Variants in BAZ2B observed in about 807,000 individuals in gnomAD.
BAZ2B encodes the protein bromodomain adjacent to zinc finger domain 2B.
A neutral mutation model predicts 246.0 loss-of-function variants in BAZ2B; 91 were observed. The observed-to-expected ratio is 0.37, with a 90% confidence interval of 0.31 to 0.44. BAZ2B has a LOEUF of 0.44. BAZ2B is among the 20% of genes least tolerant of loss of function. The pLI is 1.00. For synonymous variants in BAZ2B, 855 were observed against 860.0 expected (o/e 0.99, Z 0.10); for missense variants, 2,332 against 2,533.7 (o/e 0.92, Z 1.71).
the BAZ2B span, among the ~76,000 whole-genome samples, chr2:159,703,152 T>G: frequency 6.6e-6 from 1 of 152,028 alleles, no homozygotes; most frequent in African/African-American, 2.4e-5. Context: ...AGTGGTGCAA[T>G]CTCTACTTAC....
chr2:159,552,780 T>A (rs2088472992), intron 2 of BAZ2B, among the ~76,000 whole-genome samples: 1 of 152,170 alleles, frequency 6.6e-6, no homozygotes, highest in Non-Finnish European at 1.5e-5. Flanking sequence ...TCGTAAGATG[T>A]GTATTAAAAT....
intron 2 of BAZ2B, among the ~76,000 whole-genome samples, chr2:159,504,940 G>C (rs1375728810): frequency 6.6e-6 from 1 of 152,146 alleles, no homozygotes; most frequent in African/African-American, 2.4e-5. Context: ...GGTGCAGAGA[G>C]CAATTATCTT....
At chr2:159,487,868 T>C (rs2080015199) in intron 2 of BAZ2B, among the ~76,000 whole-genome samples, 1 of 151,640 alleles carries the variant, frequency 6.6e-6, no homozygotes, top group Non-Finnish European at 1.5e-5. Flanking sequence ...AGAATAATAG[T>C]GTTCCTGAGA....
intron 3 of BAZ2B, chr2:159,462,813 T>C (rs2076576323): frequency 4.7e-6 from 7 of 1,489,154 alleles, no homozygotes; most frequent in Admixed American, 3.3e-5. Flanking sequence ...TGCCCATCGA[T>C]AGTTTTTAGC....
chr2:159,316,268 A>C (rs144107488), downstream of BAZ2B, among the ~76,000 whole-genome samples: 5 of 152,326 alleles, frequency 3.3e-5, no homozygotes, highest in African/African-American at 1.2e-4. Context: ...GGTTTAAAAA[A>C]AATTCCTTTT....
chr2:159,618,611 T>C (rs1339611536), upstream of BAZ2B, among the ~76,000 whole-genome samples: 1 of 152,154 alleles, frequency 6.6e-6, no homozygotes, highest in East Asian at 1.9e-4. Context: ...AAATAAATAA[T>C]ATTTTTAAGT....
chr2:159,506,711 G>T (rs183082823), intron 2 of BAZ2B, among the ~76,000 whole-genome samples: 6 of 152,216 alleles, frequency 3.9e-5, no homozygotes, highest in African/African-American at 1.4e-4. Context: ...GGACCAACAA[G>T]GGAAACACCA....
At chr2:159,565,068 A>G (rs559212432) in intron 1 of BAZ2B, among the ~76,000 whole-genome samples, 1 of 152,082 alleles carries the variant, frequency 6.6e-6, no homozygotes, top group Non-Finnish European at 1.5e-5. Context: ...ACAGGGTTTC[A>G]CCATGTTGGC....
At chr2:159,582,541 G>A (rs1443510097) in intron 1 of BAZ2B, among the ~76,000 whole-genome samples, 2 of 152,050 alleles carry the variant, frequency 1.3e-5, no homozygotes, top group Admixed American at 6.6e-5. Context: ...GCACTACAAC[G>A]TCTAAATAAT....
chr2:159,537,189 C>T (rs2086106605), intron 2 of BAZ2B, among the ~76,000 whole-genome samples: 1 of 152,256 alleles, frequency 6.6e-6, no homozygotes, highest in Non-Finnish European at 1.5e-5. Flanking sequence ...CTCACATATA[C>T]GAGGTACTTA....
intron 1 of BAZ2B, among the ~76,000 whole-genome samples, chr2:159,587,417 A>G (rs185043028): frequency 5.1e-4 from 78 of 152,080 alleles, no homozygotes; most frequent in Non-Finnish European, 8.1e-4. Context: ...TCACCTTCCA[A>G]TGTTATTTGC....
chr2:159,537,771 A>G (rs2086191689), intron 2 of BAZ2B, among the ~76,000 whole-genome samples: 1 of 152,118 alleles, frequency 6.6e-6, no homozygotes, highest in South Asian at 2.1e-4. Flanking sequence ...GTTGGTATTC[A>G]TTCTTCTCCT....
rs1207229766 is a variant in BAZ2B at position 159,332,972 on chromosome 2, T to C, written c.5797-286A>G. 2.8e-5 allele frequency: 7 copies of C among 250,666 alleles called. No homozygotes were observed. The Admixed American group carries it at 3.6e-4, about 13-fold the overall frequency. The allele number at this position is 250,666 out of a possible 1,614,324, so 15.5% of individuals were successfully genotyped here. On this transcript the variant is annotated intron_variant, in intron 33 of 36. Transcript: ENST00000392783. Reference sequence around the variant, plus strand: ...CTTCAGAAGCATGTACACATTAACATATGAAATAATTAACATGACATTAGA... The same window carrying C: ...CTTCAGAAGCATGTACACATTAACACATGAAATAATTAACATGACATTAGA...
At chr2:159,437,262 C>T (rs1411416636) in intron 8 of BAZ2B, 1 of 151,986 alleles carries the variant, frequency 6.6e-6, no homozygotes, top group Non-Finnish European at 1.5e-5. Context: ...TTTTGCTGGA[C>T]ATATGAATTT....
intron 2 of BAZ2B, among the ~76,000 whole-genome samples, chr2:159,515,559 T>C (rs1338688677): frequency 6.6e-6 from 1 of 152,136 alleles, no homozygotes; most frequent in African/African-American, 2.4e-5. Flanking sequence ...TTTTATAAAA[T>C]ACTTGTGAAA....
At chr2:159,330,837 C>T (rs2064621669) in intron 34 of BAZ2B, among the ~76,000 whole-genome samples, 2 of 151,996 alleles carry the variant, frequency 1.3e-5, no homozygotes, top group South Asian at 4.1e-4. Flanking sequence ...CCAGCCAAGG[C>T]AACAGATCAA....
chr2:159,528,875 C>T (rs528518551), intron 2 of BAZ2B, among the ~76,000 whole-genome samples: 1 of 144,840 alleles, frequency 6.9e-6, no homozygotes, highest in Admixed American at 7.4e-5. Flanking sequence ...CACATTAACA[C>T]ATTTTAAAAG....
the BAZ2B span, among the ~76,000 whole-genome samples, chr2:159,679,287 A>AAAC: frequency 0.22 from 31,339 of 139,764 alleles, 5,063 homozygotes; most frequent in Admixed American, 0.39. Flanking sequence ...AAAAAAAAAA[A>AAAC]AAAAAAAGAT....
At chr2:159,675,942 C>T in the BAZ2B span, among the ~76,000 whole-genome samples, 1 of 152,190 alleles carries the variant, frequency 6.6e-6, no homozygotes, top group Non-Finnish European at 1.5e-5. Context: ...GTCACCCAGG[C>T]TGGAGTGCAG....
Sources: allele counts gnomAD v4.1 joint callset (sites outside exome capture counted in the v4.1 genomes callset), GRCh38; gene constraint gnomAD v4.1.1; transcripts MANE v1.5; gene names NCBI Gene and HGNC (gene_info 2026-07-23, HGNC 2026-07-21).